PHF8: variants seen among roughly 807,000 people sequenced by gnomAD.
The protein encoded by PHF8 is PHD finger protein 8.
PHF8 carries 9 observed loss-of-function variants against 74.4 expected under a neutral mutation model. That is an observed-to-expected ratio of 0.12 (90% CI 0.07 to 0.21). The LOEUF is 0.21. PHF8 is among the 10% of genes least tolerant of loss of function. The pLI, the probability that PHF8 is intolerant of heterozygous loss-of-function variation, is 1.00. For synonymous variants in PHF8, 311 were observed against 316.6 expected (o/e 0.98, Z 0.19); for missense variants, 478 against 816.6 (o/e 0.59, Z 5.05).
At chrX:54,018,198 TTACAACAACTTTCTCAACATGCATA>T (rs1200939846) in intron 4 of PHF8, among the ~76,000 whole-genome samples, 2 of 112,326 alleles carry the variant, frequency 1.8e-5, no homozygotes, top group Non-Finnish European at 3.8e-5. Context: ...AACAACATTT[TTACAACAACTTTCTCAACATGCATA>T]TACAACAACT....
intron 20 of PHF8, 48 bp from the exon 21 acceptor site, chrX:53,940,564 A>G: frequency 1.1e-6 from 1 of 937,082 alleles, no homozygotes; most frequent in Non-Finnish European, 1.5e-6. Flanking sequence ...TGAAGAAGAC[A>G]AGTTCCCAGG....
At chrX:53,953,598 C>T (rs1208253480) in intron 19 of PHF8, among the ~76,000 whole-genome samples, 1 of 98,359 alleles carries the variant, frequency 1.0e-5, no homozygotes, top group African/African-American at 3.7e-5. Context: ...GAGCCAAGAT[C>T]GCGTTGCTGC....
chrX:53,992,513 C>G (rs782558381), intron 14 of PHF8, among the ~76,000 whole-genome samples: 1 of 111,841 alleles, frequency 8.9e-6, no homozygotes, highest in Non-Finnish European at 1.9e-5. Flanking sequence ...AAATCTTTCT[C>G]AGGCTTGCCA....
intron 20 of PHF8, among the ~76,000 whole-genome samples, chrX:53,940,933 T>G (rs1557083353): frequency 8.9e-6 from 1 of 112,401 alleles, no homozygotes; most frequent in Non-Finnish European, 1.9e-5. Flanking sequence ...TAATTTTACA[T>G]ATGAGAAAAT....
At chrX:53,951,040 A>G (rs1238340720) in intron 19 of PHF8, among the ~76,000 whole-genome samples, 1 of 112,468 alleles carries the variant, frequency 8.9e-6, no homozygotes, top group Non-Finnish European at 1.9e-5. Flanking sequence ...GAACTACAGG[A>G]AAGTATGAGT....
At chrX:53,945,507 C>T (rs2064821110) in intron 19 of PHF8, among the ~76,000 whole-genome samples, 1 of 110,051 alleles carries the variant, frequency 9.1e-6, no homozygotes, top group Non-Finnish European at 1.9e-5. Flanking sequence ...GAAACTCTGT[C>T]TCAAAAAATA....
chrX:53,948,114 C>A (rs782415381), intron 19 of PHF8, among the ~76,000 whole-genome samples: 2 of 111,541 alleles, frequency 1.8e-5, no homozygotes, highest in African/African-American at 6.5e-5. Flanking sequence ...AAAAAAGAAC[C>A]CTCCTTGATT....
rs1292525327 is a variant in PHF8 at position 54,044,325 on chromosome X, G to C, written c.-656C>G. The C allele has an allele frequency of 5.3e-6, 4 of 753,261 alleles. No individual in the cohort carries two copies. The highest frequency in any genetic ancestry group is 6.3e-6 in the Non-Finnish European group (4 of 638,425). The allele number at this position is 753,261 out of a possible 1,213,427, so 62.1% of individuals were successfully genotyped here. A position where few individuals can be genotyped will look rare whatever the true frequency, so the allele number is the denominator to read the frequency against. ...CCCAGTGGCGGTGGTAGGCAATTCG[G>C]AGTAGTCAATAAAGTTTATTCAAAA... On this transcript the variant is annotated 5_prime_UTR_variant, in exon 1 of 22. Transcript: ENST00000338154.
Position 54,044,309 on chromosome X carries a change from G to A in PHF8, c.-640C>T. 1 of 754,755 alleles carries A rather than the reference G, an allele frequency of 1.3e-6. No homozygotes were observed. The highest frequency in any genetic ancestry group is 6.7e-5 in the South Asian group (1 of 14,938). The allele number at this position is 754,755 out of a possible 1,213,427, so 62.2% of individuals were successfully genotyped here. ...AAGTCGCTGGGAGAAGCCCAGTGGC[G>A]GTGGTAGGCAATTCGGAGTAGTCAA... On this transcript the variant is annotated 5_prime_UTR_variant, in exon 1 of 22. Transcript: ENST00000338154.
intron 19 of PHF8, 51 bp from the exon 20 acceptor site, chrX:53,944,294 C>T (rs782480182): frequency 4.3e-6 from 4 of 921,717 alleles, no homozygotes. Context: ...TATCCGAAGG[C>T]TAGCCATATT....
intron 18 of PHF8, among the ~76,000 whole-genome samples, chrX:53,977,868 A>C (rs1336980841): frequency 4.7e-5 from 5 of 107,425 alleles, no homozygotes; most frequent in Admixed American, 3.0e-4. Context: ...GGATGGTCTC[A>C]ATCTCCTGAC....
Position 53,944,107 on chromosome X carries a change from A to G in PHF8, c.2649+27T>C, listed in dbSNP as rs370186562. 43 of 957,121 alleles carry G rather than the reference A, an allele frequency of 4.5e-5. No homozygotes were observed. In the African/African-American group the frequency reaches 7.4e-4, roughly 16 times the overall value. The allele number at this position is 957,121 out of a possible 1,213,427, so 78.9% of individuals were successfully genotyped here. A position where few individuals can be genotyped will look rare whatever the true frequency, so the allele number is the denominator to read the frequency against. On this transcript the variant is annotated intron_variant, in intron 20 of 21. Transcript: ENST00000338154. ...TCTAAGTCAAACTGCTATTAGTTGC[A>G]GGGTGACCTGGGGTGTCAGCACCTA... is the stretch of plus-strand genomic sequence containing the variant.
At chrX:53,961,029 T>C (rs1245940966) in intron 19 of PHF8, among the ~76,000 whole-genome samples, 3 of 104,221 alleles carry the variant, frequency 2.9e-5, no homozygotes, top group Non-Finnish European at 4.0e-5. Context: ...CTAAGTTTTC[T>C]TTTTTTTTTT....
Position 54,043,919 on chromosome X carries a change from G to A in PHF8, c.-250C>T, listed in dbSNP as rs1415129261. The stretch of plus-strand genomic sequence containing the variant: ...AGCCCCAGCGACACGCCGGCAGCCG[G>A]GCTAGCTCCGGGACTGCGAAGCGCC... On this transcript the variant is annotated 5_prime_UTR_variant, in exon 1 of 22. Coordinates refer to ENST00000338154, the MANE Select transcript of PHF8 (RefSeq NM_015107.3). The A allele has an allele frequency of 1.7e-5, 13 of 753,770 alleles. No homozygotes were observed. Among genetic ancestry groups the A allele is most frequent in the Non-Finnish European group, 2.0e-5 (13 of 639,185 alleles). 62.1% of individuals were successfully genotyped at this position (753,770 alleles called of 1,213,427 possible).
At chrX:53,965,161 G>A (rs1169874664) in intron 18 of PHF8, among the ~76,000 whole-genome samples, 1 of 111,674 alleles carries the variant, frequency 9.0e-6, no homozygotes, top group East Asian at 2.8e-4. Context: ...GCACGTGCAC[G>A]TGTGCACACA....
intron 18 of PHF8, among the ~76,000 whole-genome samples, chrX:53,965,855 C>CA (rs1353248592): frequency 9.3e-6 from 1 of 107,444 alleles, no homozygotes; most frequent in Non-Finnish European, 1.9e-5. Context: ...CAGTTTCCAA[C>CA]AAAAAAAACC....
chrX:53,993,017 T>G (rs1557101818), intron 13 of PHF8, 178 bp from the exon 14 acceptor site: 2 of 462,936 alleles, frequency 4.3e-6, no homozygotes, highest in Middle Eastern at 5.4e-4. Flanking sequence ...TGAAAATGTG[T>G]GGTTGGTTCA....
chrX:54,012,901 C>T (rs782650523), intron 7 of PHF8, among the ~76,000 whole-genome samples: 22 of 102,823 alleles, frequency 2.1e-4, no homozygotes, highest in African/African-American at 7.9e-4. Context: ...GATCATGCCA[C>T]TGCACTCCAG....
Position 53,938,812 on chromosome X carries a change from C to T in PHF8, c.*346G>A, listed in dbSNP as rs1479892846. Reference sequence around the variant, plus strand: ...TCATGGCTCAGGCTCCTTCATACCTCTCCTCATCCTGCCTTCCAGCTCTAG... The same window carrying T: ...TCATGGCTCAGGCTCCTTCATACCTTTCCTCATCCTGCCTTCCAGCTCTAG... On this transcript the variant is annotated 3_prime_UTR_variant, in exon 22 of 22. Coordinates refer to ENST00000338154, the MANE Select transcript of PHF8 (RefSeq NM_015107.3). The T allele has an allele frequency of 1.2e-6, 1 of 808,836 alleles. No homozygotes were observed. Among genetic ancestry groups the T allele is most frequent in the African/African-American group, 2.2e-5 (1 of 45,539 alleles). 66.7% of individuals were successfully genotyped at this position (808,836 alleles called of 1,213,427 possible).
Sources: gnomAD v4.1 joint callset for allele counts (sites outside exome capture counted in the v4.1 genomes callset) on GRCh38, gnomAD v4.1.1 for gene constraint, MANE v1.5 for transcripts, NCBI Gene and HGNC (gene_info 2026-07-23, HGNC 2026-07-21) for gene names.